The following FGF5 variants were observed in gnomAD, a reference collection of about 807,000 sequenced individuals.
FGF5 encodes the protein fibroblast growth factor 5, also known as heparin-binding growth factor 5.
In FGF5, 23 loss-of-function variants were observed where a neutral mutation model predicts 21.8. The ratio of observed to expected loss-of-function variants is 1.05; its 90% CI spans 0.76 to 1.49. The LOEUF is 1.49. Ranked by LOEUF, FGF5 falls within the 40% of genes most tolerant of loss-of-function variation. FGF5 has a pLI of 0.00. For synonymous variants in FGF5, 158 were observed against 124.0 expected, an observed-to-expected ratio of 1.27 and a Z score of -1.82; for missense variants, 352 against 332.9, an observed-to-expected ratio of 1.06 and a Z score of -0.45.
In FGF5 at chr4:80,266,998, T is replaced by G; in HGVS notation, c.174T>G (p.Ser58=). 1 of 1,614,228 alleles carries G rather than the reference T, an allele frequency of 6.2e-7. No individual in the cohort carries two copies. The part of the protein sequence containing the change: ...QSSSSAMSSS[S]ASSSPAASLG... ...GCAGTAGCGCTATGTCTTCCTCTTC[T>G]GCCTCCTCCTCCCCCGCAGCTTCTC... is the stretch of plus-strand genomic sequence containing the variant. The change falls in exon 1 of 3, where the codon TCT becomes TCG. Residue 58 remains serine, a synonymous_variant. Coordinates refer to ENST00000312465, the MANE Select transcript of FGF5 (RefSeq NM_004464.4).
chr4:80,273,101 G>C (rs34372382), intron 1 of FGF5, among the ~76,000 whole-genome samples: 4,215 of 151,370 alleles, frequency 0.028, 166 homozygotes, highest in African/African-American at 0.095. Flanking sequence ...CTCAAACAAT[G>C]TTCATAATAA....
At chr4:80,269,162 G>A (rs1214404562) in intron 1 of FGF5, among the ~76,000 whole-genome samples, 6 of 152,086 alleles carry the variant, frequency 3.9e-5, no homozygotes, top group Admixed American at 3.3e-4. Context: ...GTGACTGTGC[G>A]CGCTGCTGTC....
chr4:80,274,991 A>G lies in FGF5; in HGVS notation c.438A>G (p.Lys146=), dbSNP rs1720371588. The change falls in exon 2 of 3, where the codon AAA becomes AAG. Residue 146 remains lysine (K), a synonymous_variant. Coordinates refer to ENST00000312465, the MANE Select transcript of FGF5 (RefSeq NM_004464.4). ...VFSNKFLAMS[K]KGKLHASAKF... is the part of the protein sequence containing the mutation. ...GCAACAAATTTTTAGCGATGTCAAAAAAAGGAAAACTCCATGCAAGTGTAA... is the reference window on the plus strand; with the variant it reads ...GCAACAAATTTTTAGCGATGTCAAAGAAAGGAAAACTCCATGCAAGTGTAA... 2 of 1,568,368 alleles carry G rather than the reference A, an allele frequency of 1.3e-6. No homozygotes were observed. The highest frequency in any genetic ancestry group is 2.3e-5 in the South Asian group (2 of 88,592).
chr4:80,267,819 G>C (rs959874313), intron 1 of FGF5, among the ~76,000 whole-genome samples: 6 of 151,432 alleles, frequency 4.0e-5, no homozygotes, highest in African/African-American at 1.5e-4. Context: ...ATTCCTGCTT[G>C]GAAGAAGATT....
At chr4:80,281,838 T>C (rs975460965) in intron 2 of FGF5, among the ~76,000 whole-genome samples, 6 of 152,328 alleles carry the variant, frequency 3.9e-5, no homozygotes, top group African/African-American at 1.4e-4. Context: ...TTCTGGAATA[T>C]TGTAGTTAAT....
chr4:80,269,788 GTT>G (rs35218300), intron 1 of FGF5, among the ~76,000 whole-genome samples: 1 of 144,842 alleles, frequency 6.9e-6, no homozygotes, highest in African/African-American at 2.5e-5. Flanking sequence ...CTTCCATAGA[GTT>G]TTTTTTTTTT....
In FGF5 at chr4:80,289,043, G is replaced by T. The variant is rs1298773623; in HGVS notation, c.*2371G>T. 6.6e-6 allele frequency: 1 copy of T among 150,934 alleles called. No homozygotes were observed. Among genetic ancestry groups the T allele is most frequent in the South Asian group, 2.1e-4 (1 of 4,784 alleles). The allele number at this position is 150,934 out of a possible 1,614,324, so 9.3% of individuals were successfully genotyped here. A position where few individuals can be genotyped will look rare whatever the true frequency, so the allele number is the denominator to read the frequency against. Reference sequence around the variant, plus strand: ...AGAGTCTTGCTCTGTCACCAGGCTGGAGTGCAGTGGCATGATCTCGGCTCA... The same window carrying T: ...AGAGTCTTGCTCTGTCACCAGGCTGTAGTGCAGTGGCATGATCTCGGCTCA... On this transcript the variant is annotated 3_prime_UTR_variant, in exon 3 of 3. Transcript: ENST00000312465.
At chr4:80,281,218 G>A (rs1720544622) in intron 2 of FGF5, among the ~76,000 whole-genome samples, 1 of 152,024 alleles carries the variant, frequency 6.6e-6, no homozygotes, top group Non-Finnish European at 1.5e-5. Context: ...CAGGGCACAA[G>A]TATAAAAAAC....
At chr4:80,281,112 G>A (rs907577430) in intron 2 of FGF5, among the ~76,000 whole-genome samples, 3 of 152,072 alleles carry the variant, frequency 2.0e-5, no homozygotes, top group Admixed American at 6.5e-5. Flanking sequence ...ATATGGCCGT[G>A]CCTGGGAGAT....
At chr4:80,282,749 C>T (rs1720590828) in intron 2 of FGF5, among the ~76,000 whole-genome samples, 1 of 152,068 alleles carries the variant, frequency 6.6e-6, no homozygotes, top group Non-Finnish European at 1.5e-5. Flanking sequence ...CTACTTCATA[C>T]TCTTTAACTA....
Position 80,273,885 on chromosome 4 carries a change from T to C in FGF5, c.356-1024T>C, listed in dbSNP as rs556043314. ...TAAGACAGGTCCCTTTTTAGCTCTA[T>C]TGAGCTAAAAATCTCTTTTTAAAAA... On this transcript the variant is annotated intron_variant, in intron 1 of 2. Transcript: ENST00000312465. Among the ~76,000 whole-genome samples, 11 of 152,184 alleles carry C rather than the reference T, an allele frequency of 7.2e-5. No individual in the cohort carries two copies. The East Asian group carries it at 2.1e-3, about 29-fold the overall frequency.
Position 80,286,740 on chromosome 4 carries a change from C to A in FGF5, c.*68C>A. The A allele has an allele frequency of 1.6e-6, 2 of 1,254,568 alleles. No individual in the cohort carries two copies. Among genetic ancestry groups the A allele is most frequent in the Non-Finnish European group, 2.2e-6 (2 of 891,038 alleles). The allele number at this position is 1,254,568 out of a possible 1,614,324, so 77.7% of individuals were successfully genotyped here. ...AGTTTCTATAGGTGTCTTCAGAGTT[C>A]TGAAGAAAAATTACTGGACACAGCT... is the stretch of plus-strand genomic sequence containing the variant. On this transcript the variant is annotated 3_prime_UTR_variant, in exon 3 of 3. Coordinates refer to ENST00000312465, the MANE Select transcript of FGF5 (RefSeq NM_004464.4).
chr4:80,281,339 G>A (rs1720549549), intron 2 of FGF5, among the ~76,000 whole-genome samples: 1 of 152,094 alleles, frequency 6.6e-6, no homozygotes, highest in Non-Finnish European at 1.5e-5. Flanking sequence ...CATGTGACAA[G>A]GAAACTTAGT....
rs559493646 is a variant in FGF5, at chr4:80,288,124, T to C, written c.*1452T>C. 1 of 152,304 alleles carries C rather than the reference T, an allele frequency of 6.6e-6. No homozygotes were observed. The highest frequency in any genetic ancestry group is 2.1e-4 in the South Asian group (1 of 4,828). The allele number at this position is 152,304 out of a possible 1,614,324, so 9.4% of individuals were successfully genotyped here. ...TAGCTAAAGGCTAAACATATGGCTTTAGTAGTAACAAAAGGGTTCATAGAA... is the reference window on the plus strand; with the variant it reads ...TAGCTAAAGGCTAAACATATGGCTTCAGTAGTAACAAAAGGGTTCATAGAA... On this transcript the variant is annotated 3_prime_UTR_variant, in exon 3 of 3. Transcript: ENST00000312465.
At chr4:80,276,093 T>C (rs571837332) in intron 2 of FGF5, among the ~76,000 whole-genome samples, 1 of 152,164 alleles carries the variant, frequency 6.6e-6, no homozygotes, top group South Asian at 2.1e-4. Flanking sequence ...TAAAGTGATT[T>C]GTTAATATCT....
chr4:80,279,019 C>T (rs1720487512), intron 2 of FGF5, among the ~76,000 whole-genome samples: 1 of 152,170 alleles, frequency 6.6e-6, no homozygotes, highest in Non-Finnish European at 1.5e-5. Flanking sequence ...CACTCTTTCT[C>T]CCTTTATCTG....
chr4:80,288,980 C>T lies in FGF5; in HGVS notation c.*2308C>T, dbSNP rs1374911216. On this transcript the variant is annotated 3_prime_UTR_variant, in exon 3 of 3. Transcript: ENST00000312465. ...AATTACACAATTACACTTGTCTTTA[C>T]TGGCCATACAAAATGATTTTTTTTT... is the stretch of plus-strand genomic sequence containing the variant. The T allele has an allele frequency of 6.6e-6, 1 of 151,276 alleles. No homozygotes were observed. The highest frequency in any genetic ancestry group is 6.6e-5 in the Admixed American group (1 of 15,176). 9.4% of individuals were successfully genotyped at this position (151,276 alleles called of 1,614,324 possible).
intron 2 of FGF5, among the ~76,000 whole-genome samples, chr4:80,275,366 G>GTAT (rs1274861653): frequency 1.3e-5 from 2 of 151,868 alleles, no homozygotes; most frequent in Non-Finnish European, 2.9e-5. Context: ...TATAGTGACT[G>GTAT]TATTTGTGCT....
Position 80,286,881 on chromosome 4 carries a change from C to T in FGF5, c.*209C>T, listed in dbSNP as rs1720749973. The T allele has an allele frequency of 3.9e-6, 2 of 514,456 alleles. No homozygotes were observed. Among genetic ancestry groups the T allele is most frequent in the South Asian group, 6.8e-5 (2 of 29,234 alleles). 31.9% of individuals were successfully genotyped at this position (514,456 alleles called of 1,614,324 possible). On this transcript the variant is annotated 3_prime_UTR_variant, in exon 3 of 3. Coordinates refer to ENST00000312465, the MANE Select transcript of FGF5 (RefSeq NM_004464.4). ...TTTGTACTAATACAGGGAGCACACT[C>T]CTTCAGTTCAGCAAGACATAAAGCC...
Sources: allele counts gnomAD v4.1 joint callset (sites outside exome capture counted in the v4.1 genomes callset), GRCh38; gene constraint gnomAD v4.1.1; transcripts MANE v1.5; gene names NCBI Gene and HGNC (gene_info 2026-07-23, HGNC 2026-07-21).